The following BMPR1A variants were observed in gnomAD, a reference collection of about 807,000 sequenced individuals.
The protein encoded by BMPR1A is bone morphogenetic protein receptor type 1A, also known as bone morphogenetic protein receptor type-1A.
BMPR1A carries 7 observed loss-of-function variants against 66.0 expected under a neutral mutation model. That is an observed-to-expected ratio of 0.11 (90% confidence interval 0.06 to 0.20). BMPR1A has a LOEUF of 0.20. BMPR1A is among the 10% of genes least tolerant of loss of function. The probability of loss-of-function intolerance (pLI) is 1.00; values close to 1 mark genes in which losing one functional copy is unlikely to be tolerated. For missense variants in BMPR1A, 408 were observed against 669.1 expected, an observed-to-expected ratio of 0.61 and a Z score of 4.31; for synonymous variants, 200 against 229.7, an observed-to-expected ratio of 0.87 and a Z score of 1.17.
At chr10:86,774,884 A>G (rs917319558) in intron 1 of BMPR1A, among the ~76,000 whole-genome samples, 1 of 152,224 alleles carries the variant, frequency 6.6e-6, no homozygotes, top group Non-Finnish European at 1.5e-5. Context: ...TCTTTGTGAT[A>G]GACTAGTTTT....
rs1184571678 is a variant in BMPR1A, at chr10:86,790,189, ATATATATAT to A, written c.-268+33271_-268+33279del. On this transcript the variant is annotated intron_variant, in intron 1 of 12. Transcript: ENST00000372037. The stretch of plus-strand genomic sequence containing the variant: ...AAAAAAAAAAAAAAAAAAAAAAAAA[ATATATATAT>A]ATATATATATATATATATATATATA... 1.2e-3 allele frequency among the ~76,000 whole-genome samples: 16 copies of A among 13,200 alleles called. 1 individual carries two copies. The highest frequency in any genetic ancestry group is 5.9e-3 in the African/African-American group (10 of 1,684). The allele number at this position is 13,200 out of a possible 152,430, so 8.7% of individuals were successfully genotyped here.
At chr10:86,885,821 G>A (rs1484950774) in intron 3 of BMPR1A, among the ~76,000 whole-genome samples, 4 of 152,142 alleles carry the variant, frequency 2.6e-5, no homozygotes, top group South Asian at 4.1e-4. Flanking sequence ...GCGGCAGAGG[G>A]CATTTATTTG....
chr10:86,859,881 C>T (rs981211992), intron 2 of BMPR1A, among the ~76,000 whole-genome samples: 6 of 152,126 alleles, frequency 3.9e-5, no homozygotes, highest in Admixed American at 6.5e-5. Flanking sequence ...AAACCAAAAC[C>T]TCCCTTAGAC....
At chr10:86,836,596 G>A (rs1330932905) in intron 1 of BMPR1A, among the ~76,000 whole-genome samples, 5 of 152,068 alleles carry the variant, frequency 3.3e-5, no homozygotes, top group Non-Finnish European at 5.9e-5. Flanking sequence ...TCAGGAGTTC[G>A]AAATCAGGCT....
At chr10:86,871,058 C>T (rs761868049) in intron 2 of BMPR1A, among the ~76,000 whole-genome samples, 1 of 152,186 alleles carries the variant, frequency 6.6e-6, no homozygotes, top group East Asian at 1.9e-4. Context: ...ACATTGTTCT[C>T]TCTTTGCTTT....
chr10:86,898,397 C>G (rs1480825226), intron 5 of BMPR1A, among the ~76,000 whole-genome samples: 1 of 152,208 alleles, frequency 6.6e-6, no homozygotes, highest in East Asian at 1.9e-4. Flanking sequence ...ATCTCTCTTA[C>G]AAGGGCTTTC....
At chr10:86,842,772 G>A (rs940469752) in intron 2 of BMPR1A, among the ~76,000 whole-genome samples, 5 of 152,134 alleles carry the variant, frequency 3.3e-5, no homozygotes, top group African/African-American at 1.2e-4. Flanking sequence ...AAGGTGAAAG[G>A]CACATCTTAG....
intron 1 of BMPR1A, among the ~76,000 whole-genome samples, chr10:86,812,000 G>A (rs1348430700): frequency 6.6e-6 from 1 of 151,456 alleles, no homozygotes; most frequent in Non-Finnish European, 1.5e-5. Flanking sequence ...AGGATTGTTT[G>A]AGCCCAGGAA....
At chr10:86,892,389 A>T (rs962007355) in intron 5 of BMPR1A, among the ~76,000 whole-genome samples, 160 bp downstream of exon 5, 1 of 152,204 alleles carries the variant, frequency 6.6e-6, no homozygotes, top group Non-Finnish European at 1.5e-5. Context: ...TCCTGTATTC[A>T]TATGTAGAAT....
intron 3 of BMPR1A, among the ~76,000 whole-genome samples, chr10:86,882,979 A>C (rs1429591141): frequency 6.6e-6 from 1 of 152,120 alleles, no homozygotes; most frequent in Non-Finnish European, 1.5e-5. Flanking sequence ...AACAAACAAA[A>C]AAACCATCAA....
chr10:86,921,917 C>T (rs1049548471), intron 11 of BMPR1A, among the ~76,000 whole-genome samples: 2 of 152,174 alleles, frequency 1.3e-5, no homozygotes, highest in Non-Finnish European at 2.9e-5. Flanking sequence ...GTTTCACCAA[C>T]CAGTTATACT....
In BMPR1A at chr10:86,925,134, A is replaced by G. The variant is rs1843721885; in HGVS notation, c.*1415A>G. 4.3e-6 allele frequency: 1 copy of G among 231,722 alleles called. No homozygotes were observed. The highest frequency in any genetic ancestry group is 1.8e-4 in the South Asian group (1 of 5,522). The allele number at this position is 231,722 out of a possible 1,614,324, so 14.4% of individuals were successfully genotyped here. A position where few individuals can be genotyped will look rare whatever the true frequency, so the allele number is the denominator to read the frequency against. On this transcript the variant is annotated 3_prime_UTR_variant, in exon 13 of 13. Coordinates refer to ENST00000372037, the MANE Select transcript of BMPR1A (RefSeq NM_004329.3). ...CAGAAATATTTAGTATCTAGTCAGT[A>G]TCTGTAGCTACACTGTATAACTGTT...
In BMPR1A at chr10:86,910,055, G is replaced by A. The variant is rs147684142; in HGVS notation, c.531-2185G>A. ...ATCCAAATATTACCAGTAGGTGGCC[G>A]GGCGCAGTGGCACACATCTGTAATC... is the stretch of plus-strand genomic sequence containing the variant. On this transcript the variant is annotated intron_variant, in intron 7 of 12. Coordinates refer to ENST00000372037, the MANE Select transcript of BMPR1A (RefSeq NM_004329.3). 3.6e-3 allele frequency among the ~76,000 whole-genome samples: 554 copies of A among 152,206 alleles called. 4 individuals carry two copies. The Middle Eastern group carries it at 0.048, about 13-fold the overall frequency.
intron 1 of BMPR1A, among the ~76,000 whole-genome samples, chr10:86,772,126 GTTTTTT>G (rs777280640): frequency 4.5e-5 from 4 of 88,872 alleles, no homozygotes; most frequent in African/African-American, 9.6e-5. Flanking sequence ...TCAGAGATAG[GTTTTTT>G]TTTTTTTTTT....
intron 11 of BMPR1A, among the ~76,000 whole-genome samples, chr10:86,922,864 G>T (rs934968983): frequency 6.6e-6 from 1 of 152,230 alleles, no homozygotes; most frequent in African/African-American, 2.4e-5. Context: ...ACCGTTTCCG[G>T]TAAGTTTTAT....
At chr10:86,791,333 C>T (rs1239673318) in intron 1 of BMPR1A, among the ~76,000 whole-genome samples, 1 of 151,972 alleles carries the variant, frequency 6.6e-6, no homozygotes, top group Non-Finnish European at 1.5e-5. Flanking sequence ...CTGCCTCAGC[C>T]TCTTGAGTAG....
At chr10:86,911,375 CA>C (rs1322159229) in intron 7 of BMPR1A, among the ~76,000 whole-genome samples, 1 of 152,000 alleles carries the variant, frequency 6.6e-6, no homozygotes, top group African/African-American at 2.4e-5. Context: ...ATTTGGTATA[CA>C]GATTATATAA....
At position 86,866,403 on chromosome 10, in the gene BMPR1A, T is replaced by C. The variant is rs75599566; in HGVS notation, c.-152-9464T>C. Among the ~76,000 whole-genome samples the C allele has an allele frequency of 2.9e-4, 25 of 87,520 alleles. 1 individual carries two copies. The highest frequency in any genetic ancestry group is 4.9e-3 in the Middle Eastern group (1 of 206). The allele number at this position is 87,520 out of a possible 152,430, so 57.4% of individuals were successfully genotyped here. Reference sequence around the variant, plus strand: ...TTAAGTTGGGCAAGTTTCTTTCTTTTTTTTTTTTTTTTTTTTTTTTTTTGA... The same window carrying C: ...TTAAGTTGGGCAAGTTTCTTTCTTTCTTTTTTTTTTTTTTTTTTTTTTTGA... On this transcript the variant is annotated intron_variant, in intron 2 of 12. Transcript: ENST00000372037.
At chr10:86,823,622 C>T (rs1045913439) in intron 1 of BMPR1A, among the ~76,000 whole-genome samples, 6 of 152,300 alleles carry the variant, frequency 3.9e-5, no homozygotes, top group African/African-American at 1.2e-4. Context: ...GGAAGGAGAA[C>T]TAAAATGAGC....
Sources: gnomAD v4.1 joint callset for allele counts (sites outside exome capture counted in the v4.1 genomes callset) on GRCh38, gnomAD v4.1.1 for gene constraint, MANE v1.5 for transcripts, NCBI Gene and HGNC (gene_info 2026-07-23, HGNC 2026-07-21) for gene names.